Variants in RIT2 observed in about 807,000 individuals in gnomAD.
RIT2 encodes GTP-binding protein Rit2.
Under a neutral mutation model 23.7 loss-of-function variants are expected in RIT2, and 24 were observed. The observed-to-expected ratio is 1.01, with a 90% CI of 0.73 to 1.43. RIT2 has a LOEUF of 1.43. RIT2 is among the 40% of genes most tolerant of loss of function. The pLI, the probability that RIT2 is intolerant of heterozygous loss-of-function variation, is 0.00. For missense variants in RIT2, 236 were observed against 266.9 expected (o/e 0.88, Z 0.81); for synonymous variants, 107 against 91.1 (o/e 1.17, Z -0.99).
In RIT2 at chr18:42,898,350, C is replaced by T. The variant is rs1349451212; in HGVS notation, c.426+25222G>A. 9.2e-5 allele frequency among the ~76,000 whole-genome samples: 14 copies of T among 152,084 alleles called. 1 individual carries two copies. The highest frequency in any genetic ancestry group is 1.9e-4 in the Non-Finnish European group (13 of 68,012). ...CAGAGGTTGCAGTGAGCTGAGATTG[C>T]ACCACTGCACTCCAGCCTGGGCGAC... is the stretch of plus-strand genomic sequence containing the variant. On this transcript the variant is annotated intron_variant, in intron 4 of 4. Coordinates refer to ENST00000326695, the MANE Select transcript of RIT2 (RefSeq NM_002930.4).
intron 3 of RIT2, among the ~76,000 whole-genome samples, chr18:42,969,509 C>T (rs987539373): frequency 6.6e-6 from 1 of 151,906 alleles, no homozygotes; most frequent in South Asian, 2.1e-4. Flanking sequence ...TAAACTAGGT[C>T]GAGATTGGCT....
chr18:42,901,212 T>A lies in RIT2; in HGVS notation c.426+22360A>T, dbSNP rs545910492. 1.3e-3 allele frequency among the ~76,000 whole-genome samples: 194 copies of A among 152,178 alleles called. 1 individual carries two copies. Among genetic ancestry groups the A allele is most frequent in the Admixed American group, 3.7e-3 (56 of 15,286 alleles). Reference sequence around the variant, plus strand: ...GCTTGAGTTCATATTAGTTTAATATTATGTGTAAGAAAATGGGAAGGATGC... The same window carrying A: ...GCTTGAGTTCATATTAGTTTAATATAATGTGTAAGAAAATGGGAAGGATGC... On this transcript the variant is annotated intron_variant, in intron 4 of 4. Transcript: ENST00000326695.
rs143204287 is a variant in RIT2, at chr18:43,094,412, T to C, written c.103+21005A>G. Among the ~76,000 whole-genome samples the C allele has an allele frequency of 3.9e-5, 6 of 152,070 alleles. No individual in the cohort carries two copies. In the East Asian group the frequency reaches 1.2e-3, roughly 29 times the overall value. On this transcript the variant is annotated intron_variant, in intron 1 of 4. Coordinates refer to ENST00000326695, the MANE Select transcript of RIT2 (RefSeq NM_002930.4). ...CATACATTGTCTATATATTTTCTTT[T>C]AGCTGGTTCTTGATAGCATCATGGA... is the stretch of plus-strand genomic sequence containing the variant.
chr18:42,900,615 T>TA (rs1318742570), intron 4 of RIT2, among the ~76,000 whole-genome samples: 1 of 152,080 alleles, frequency 6.6e-6, no homozygotes, highest in Non-Finnish European at 1.5e-5. Flanking sequence ...CTCTGTCTTC[T>TA]AATACAGGCT....
chr18:42,962,759 G>C (rs1910121894), intron 3 of RIT2, among the ~76,000 whole-genome samples: 1 of 152,154 alleles, frequency 6.6e-6, no homozygotes, highest in African/African-American at 2.4e-5. Flanking sequence ...CTATTTCTGT[G>C]AGTAGTCTCT....
At chr18:43,018,371 T>A (rs1484016592) in intron 2 of RIT2, among the ~76,000 whole-genome samples, 1 of 145,156 alleles carries the variant, frequency 6.9e-6, no homozygotes, top group Admixed American at 7.0e-5. Flanking sequence ...TTTTTTTTTT[T>A]AAGATACAAG....
chr18:42,849,464 G>C (rs1428321282), intron 4 of RIT2, among the ~76,000 whole-genome samples: 4 of 152,054 alleles, frequency 2.6e-5, no homozygotes, highest in African/African-American at 9.7e-5. Flanking sequence ...TTTCTCGTGG[G>C]TAAAAGTCAA....
chr18:43,110,988 A>T (rs2144253049), intron 1 of RIT2, among the ~76,000 whole-genome samples: 1 of 152,326 alleles, frequency 6.6e-6, no homozygotes, highest in Admixed American at 6.5e-5. Context: ...CAGTATCAGC[A>T]GCTAAAATCT....
intron 4 of RIT2, among the ~76,000 whole-genome samples, chr18:42,858,780 A>G (rs1296727722): frequency 1.3e-5 from 2 of 152,110 alleles, no homozygotes; most frequent in Non-Finnish European, 2.9e-5. Context: ...CCAATTCTGG[A>G]ATTTTCATAT....
intron 4 of RIT2, among the ~76,000 whole-genome samples, chr18:42,807,328 T>C (rs1181200535): frequency 6.6e-6 from 1 of 152,160 alleles, no homozygotes; most frequent in South Asian, 2.1e-4. Context: ...TATTTTAAAA[T>C]ATAGTAGGCT....
chr18:42,774,245 TG>T (rs1364628056), intron 4 of RIT2, among the ~76,000 whole-genome samples: 1 of 152,168 alleles, frequency 6.6e-6, no homozygotes, highest in African/African-American at 2.4e-5. Context: ...GACTCAATGG[TG>T]GTTTCTTTGC....
At chr18:42,906,116 C>G (rs1944409) in intron 4 of RIT2, among the ~76,000 whole-genome samples, 133,719 of 150,154 alleles carry the variant, frequency 0.89, 59,990 homozygotes, top group East Asian at 1. Flanking sequence ...ATGAAAGTTT[C>G]TTTTTTCAAT....
chr18:42,843,835 C>T (rs976304178), intron 4 of RIT2, among the ~76,000 whole-genome samples: 1 of 152,004 alleles, frequency 6.6e-6, no homozygotes. Context: ...GATTGATTTT[C>T]CCAGAGAAAC....
chr18:42,994,195 C>T (rs972724787), intron 2 of RIT2, among the ~76,000 whole-genome samples: 4 of 152,142 alleles, frequency 2.6e-5, no homozygotes, highest in African/African-American at 4.8e-5. Context: ...CTTGGACTGA[C>T]CTTGACACCC....
chr18:42,914,253 A>C (rs939318635), intron 4 of RIT2, among the ~76,000 whole-genome samples: 1 of 152,126 alleles, frequency 6.6e-6, no homozygotes, highest in Non-Finnish European at 1.5e-5. Context: ...TTCAAAACTC[A>C]AATGGACTTA....
chr18:42,838,302 C>A (rs1168883819), intron 4 of RIT2, among the ~76,000 whole-genome samples: 2 of 151,692 alleles, frequency 1.3e-5, no homozygotes, highest in Non-Finnish European at 2.9e-5. Context: ...CTTTTTCAGT[C>A]TTTTTGTAAA....
At chr18:43,114,608 G>A (rs1417329089) in intron 1 of RIT2, among the ~76,000 whole-genome samples, 3 of 151,986 alleles carry the variant, frequency 2.0e-5, no homozygotes, top group African/African-American at 7.2e-5. Context: ...TCTAGTGATA[G>A]CCATAGCTCC....
At chr18:43,072,835 T>G (rs1912928349) in intron 1 of RIT2, among the ~76,000 whole-genome samples, 1 of 152,082 alleles carries the variant, frequency 6.6e-6, no homozygotes, top group African/African-American at 2.4e-5. Context: ...TACAAGAAAA[T>G]TTCCTCACAT....
chr18:42,759,780 T>TAA (rs1913258067), intron 4 of RIT2, among the ~76,000 whole-genome samples: 5 of 148,880 alleles, frequency 3.4e-5, no homozygotes, highest in South Asian at 2.1e-4. Context: ...TATATATATA[T>TAA]AAATTTTTTT....
Sources: allele counts gnomAD v4.1 joint callset (sites outside exome capture counted in the v4.1 genomes callset), GRCh38; gene constraint gnomAD v4.1.1; transcripts MANE v1.5; gene names NCBI Gene and HGNC (gene_info 2026-07-23, HGNC 2026-07-21).